ITSN1: variants seen among roughly 807,000 people sequenced by gnomAD.
The protein encoded by ITSN1 is intersectin 1, also known as intersectin-1.
In ITSN1, 58 loss-of-function variants were observed where a neutral mutation model predicts 239.8. The ratio of observed to expected loss-of-function variants is 0.24; its 90% CI spans 0.20 to 0.30. The LOEUF (loss-of-function observed/expected upper bound fraction) is 0.30. Among genes scored for constraint, ITSN1 ranks in the 10% least tolerant of loss-of-function variants. The probability of loss-of-function intolerance (pLI) is 1.00; values close to 1 mark genes in which losing one functional copy is unlikely to be tolerated. For synonymous variants in ITSN1, 780 were observed against 770.8 expected (o/e 1.01, Z -0.20); for missense variants, 1,558 against 2,103.3 (o/e 0.74, Z 5.07).
intron 20 of ITSN1, among the ~76,000 whole-genome samples, chr21:33,803,027 A>T (rs756437383): frequency 6.6e-6 from 1 of 152,264 alleles, no homozygotes; most frequent in Non-Finnish European, 1.5e-5. Flanking sequence ...GGGAAGGGAC[A>T]TTCACAGATG....
At chr21:33,835,669 G>A (rs1000924175) in intron 28 of ITSN1, among the ~76,000 whole-genome samples, 10 of 152,302 alleles carry the variant, frequency 6.6e-5, no homozygotes, top group South Asian at 2.1e-4. Flanking sequence ...GGTGGCTCGC[G>A]CCTGTAATCC....
At chr21:33,652,749 T>A (rs1601436809) in intron 1 of ITSN1, among the ~76,000 whole-genome samples, 2 of 152,282 alleles carry the variant, frequency 1.3e-5, no homozygotes, top group Non-Finnish European at 2.9e-5. Context: ...TGAGTGTGAA[T>A]GATTATTAAA....
At chr21:33,800,369 C>A (rs959539595) in intron 19 of ITSN1, among the ~76,000 whole-genome samples, 1 of 151,810 alleles carries the variant, frequency 6.6e-6, no homozygotes, top group African/African-American at 2.4e-5. Flanking sequence ...TATATACACA[C>A]ACAAAAGGAT....
intron 20 of ITSN1, 127 bp downstream of exon 20, chr21:33,802,571 C>T: frequency 1.1e-6 from 1 of 922,132 alleles, no homozygotes; most frequent in Non-Finnish European, 1.8e-6. Flanking sequence ...GTGTTTGAGT[C>T]TGTGTAGTAG....
At chr21:33,642,917 G>A (rs1285624188) in intron 1 of ITSN1, among the ~76,000 whole-genome samples, 1 of 151,254 alleles carries the variant, frequency 6.6e-6, no homozygotes, top group African/African-American at 2.4e-5. Flanking sequence ...GTCCTCGGGG[G>A]TGGCGGCGGA....
At chr21:33,777,240 A>G (rs1197987990) in intron 14 of ITSN1, among the ~76,000 whole-genome samples, 1 of 152,150 alleles carries the variant, frequency 6.6e-6, no homozygotes, top group Non-Finnish European at 1.5e-5. Flanking sequence ...CTTTTTTCCC[A>G]TTGAGTTACC....
At chr21:33,729,839 G>T (rs2066059032) in intron 4 of ITSN1, among the ~76,000 whole-genome samples, 1 of 152,208 alleles carries the variant, frequency 6.6e-6, no homozygotes, top group African/African-American at 2.4e-5. Context: ...GTAGCTCCCT[G>T]CTTAGGAACA....
At chr21:33,823,421 C>T in intron 24 of ITSN1, 66 bp from the exon 25 acceptor site, 1 of 1,458,668 alleles carries the variant, frequency 6.9e-7, no homozygotes, top group African/African-American at 1.4e-5. Context: ...CTTGCTTTTG[C>T]AAAGCTGTCT....
rs181422281 is a variant in ITSN1 at position 33,778,403 on chromosome 21, C to G, written c.1597-3058C>G. 2.9e-3 allele frequency among the ~76,000 whole-genome samples: 439 copies of G among 152,130 alleles called. 2 individuals carry two copies. Among genetic ancestry groups the G allele is most frequent in the African/African-American group, 0.01 (427 of 41,526 alleles). On this transcript the variant is annotated intron_variant, in intron 14 of 39. Transcript: ENST00000381318. ...TGGTGGCATTCACCAGTGAAGGCCT[C>G]TGGGCCTGGAGCTTTCTTGAAGACT... is the stretch of plus-strand genomic sequence containing the variant.
At chr21:33,868,580 C>T (rs1389901614) in intron 33 of ITSN1, among the ~76,000 whole-genome samples, 2 of 152,218 alleles carry the variant, frequency 1.3e-5, no homozygotes, top group African/African-American at 2.4e-5. Flanking sequence ...CCTCATTGCC[C>T]GGAGCCAGCA....
At chr21:33,833,022 G>A (rs2074385206) in intron 27 of ITSN1, among the ~76,000 whole-genome samples, 1 of 151,836 alleles carries the variant, frequency 6.6e-6, no homozygotes, top group Non-Finnish European at 1.5e-5. Context: ...GTGTGTATGT[G>A]TACGCATGTG....
intron 1 of ITSN1, among the ~76,000 whole-genome samples, chr21:33,712,666 C>T (rs912982974): frequency 6.6e-6 from 1 of 152,204 alleles, no homozygotes; most frequent in African/African-American, 2.4e-5. Flanking sequence ...CACTGCATAG[C>T]TCCCTGACTG....
chr21:33,819,108 C>G (rs1569245813), intron 23 of ITSN1, 133 bp from the exon 24 acceptor site: 2 of 635,184 alleles, frequency 3.1e-6, no homozygotes, highest in East Asian at 5.5e-5. Context: ...TTTAACCTAG[C>G]TAAGTACAAC....
chr21:33,782,189 C>G, intron 16 of ITSN1, 56 bp downstream of exon 16: 2 of 1,528,000 alleles, frequency 1.3e-6, no homozygotes, highest in South Asian at 1.2e-5. Context: ...TTTTAACTGT[C>G]CAAATGATTA....
intron 8 of ITSN1, among the ~76,000 whole-genome samples, chr21:33,761,715 G>T (rs2068340166): frequency 6.6e-6 from 1 of 152,170 alleles, no homozygotes; most frequent in African/African-American, 2.4e-5. Flanking sequence ...AATTTATTAT[G>T]TGTCAGATGC....
chr21:33,667,071 C>T (rs879689929), intron 1 of ITSN1, among the ~76,000 whole-genome samples: 12 of 151,976 alleles, frequency 7.9e-5, no homozygotes, highest in Non-Finnish European at 1.0e-4. Flanking sequence ...ACCCCCATCT[C>T]GGCCTCCCAA....
chr21:33,732,419 A>C (rs2066244617), intron 4 of ITSN1, among the ~76,000 whole-genome samples: 1 of 152,158 alleles, frequency 6.6e-6, no homozygotes, highest in Non-Finnish European at 1.5e-5. Context: ...GGGTCCATTC[A>C]GATGGTGGGG....
chr21:33,735,647 A>G (rs1009686388), intron 5 of ITSN1: 2 of 174,030 alleles, frequency 1.1e-5, no homozygotes, highest in Non-Finnish European at 2.4e-5. Flanking sequence ...ACTTGGCCAC[A>G]TTAAATTCTT....
At position 33,767,648 on chromosome 21, in the gene ITSN1, A is replaced by C. The variant is rs965672366; in HGVS notation, c.927-65A>C. On this transcript the variant is annotated intron_variant, in intron 10 of 39. Transcript: ENST00000381318. ...AAAATCTTTAAAAATCCTTCTTCAT[A>C]ACTTGTCCAACTCCACCCAGACAGC... 54 of 817,612 alleles carry C rather than the reference A, an allele frequency of 6.6e-5. No homozygotes were observed. The African/African-American group carries it at 9.1e-4, about 14-fold the overall frequency. 50.6% of individuals were successfully genotyped at this position (817,612 alleles called of 1,614,324 possible).
Sources: allele counts gnomAD v4.1 joint callset (sites outside exome capture counted in the v4.1 genomes callset), GRCh38; gene constraint gnomAD v4.1.1; transcripts MANE v1.5; gene names NCBI Gene and HGNC (gene_info 2026-07-23, HGNC 2026-07-21).